HERC2: variants seen among roughly 807,000 people sequenced by gnomAD.
HERC2 encodes the protein E3 ubiquitin-protein ligase HERC2.
A neutral mutation model predicts 537.7 loss-of-function variants in HERC2; 102 were observed. The ratio of observed to expected loss-of-function variants is 0.19; its 90% CI spans 0.16 to 0.22. HERC2 has a LOEUF of 0.22. Among genes scored for constraint, HERC2 ranks in the 10% least tolerant of loss-of-function variants. The probability of loss-of-function intolerance (pLI) is 1.00; values close to 1 mark genes in which losing one functional copy is unlikely to be tolerated. For synonymous variants in HERC2, 2,224 were observed against 2,466.2 expected (o/e 0.90, Z 2.91); for missense variants, 4,236 against 6,198.2 (o/e 0.68, Z 10.63).
chr15:28,115,612 C>T lies in HERC2; in HGVS notation c.13610-71G>A, dbSNP rs887951849. ...ACAAAACTTCCCGCTCACTCACACACGCCACTGACAGCAGCTCCACACTCA... is the reference window on the plus strand; with the variant it reads ...ACAAAACTTCCCGCTCACTCACACATGCCACTGACAGCAGCTCCACACTCA... On this transcript the variant is annotated intron_variant, in intron 88 of 92. Transcript: ENST00000261609. 33 of 1,058,172 alleles carry T rather than the reference C, an allele frequency of 3.1e-5. No individual in the cohort carries two copies. The African/African-American group carries it at 3.3e-4, about 10-fold the overall frequency. 65.5% of individuals were successfully genotyped at this position (1,058,172 alleles called of 1,614,324 possible). A position where few individuals can be genotyped will look rare whatever the true frequency, so the allele number is the denominator to read the frequency against.
intron 37 of HERC2, among the ~76,000 whole-genome samples, chr15:28,220,099 C>T (rs923945051): frequency 6.6e-6 from 1 of 152,208 alleles, no homozygotes; most frequent in Non-Finnish European, 1.5e-5. Flanking sequence ...CAGGGCAATT[C>T]CACCAGGCCT....
Position 28,185,793 on chromosome 15 carries a change from G to A in HERC2, c.8825+784C>T, listed in dbSNP as rs116176048. Among the ~76,000 whole-genome samples, 329 of 152,292 alleles carry A rather than the reference G, an allele frequency of 2.2e-3. 3 individuals carry two copies. Among genetic ancestry groups the A allele is most frequent in the African/African-American group, 7.7e-3 (322 of 41,556 alleles). ...CAATGCTCCAATGCAGACTCTCAAG[G>A]CTGTATGCACTTCTTCCTGCCTCTT... is the stretch of plus-strand genomic sequence containing the variant. On this transcript the variant is annotated intron_variant, in intron 56 of 92. Transcript: ENST00000261609.
intron 35 of HERC2, among the ~76,000 whole-genome samples, chr15:28,226,711 A>G (rs897954510): frequency 6.6e-6 from 1 of 152,240 alleles, no homozygotes; most frequent in East Asian, 1.9e-4. Context: ...TTTGGATACG[A>G]TATCAAAAGC....
intron 3 of HERC2, among the ~76,000 whole-genome samples, chr15:28,295,566 T>C (rs901694797): frequency 1.3e-5 from 2 of 152,036 alleles, no homozygotes; most frequent in Non-Finnish European, 2.9e-5. Flanking sequence ...GCCCAGCTAA[T>C]TTTTTGTTTT....
intron 55 of HERC2, among the ~76,000 whole-genome samples, chr15:28,190,012 T>TC (rs952320678): frequency 1.1e-5 from 1 of 92,674 alleles, no homozygotes; most frequent in African/African-American, 1.1e-4. Flanking sequence ...TCTTTCTTTC[T>TC]TTTTTTTTTT....
chr15:28,188,431 C>A (rs902802468), intron 55 of HERC2, among the ~76,000 whole-genome samples: 4 of 151,924 alleles, frequency 2.6e-5, no homozygotes, highest in East Asian at 1.9e-4. Flanking sequence ...ATAGTCCCAG[C>A]TACTCGGGAG....
chr15:28,161,104 C>T (rs1440976895), intron 69 of HERC2, among the ~76,000 whole-genome samples: 1 of 152,224 alleles, frequency 6.6e-6, no homozygotes, highest in African/African-American at 2.4e-5. Flanking sequence ...CCTAAAATAT[C>T]TACCAAACTC....
At chr15:28,115,582 G>A in intron 88 of HERC2, 41 bp from the exon 89 acceptor site, 1 of 1,500,692 alleles carries the variant, frequency 6.7e-7, no homozygotes, top group South Asian at 1.1e-5. Flanking sequence ...CACTTCAAAA[G>A]GATGACAAAA....
chr15:28,306,840 C>T (rs1202696818), intron 2 of HERC2, among the ~76,000 whole-genome samples: 1 of 151,540 alleles, frequency 6.6e-6, no homozygotes, highest in African/African-American at 2.4e-5. Context: ...ATTTCTTTTT[C>T]CTTCTTTTTT....
At chr15:28,131,964 G>A (rs761699187) in intron 81 of HERC2, 136 bp downstream of exon 81, 66 of 630,354 alleles carry the variant, frequency 1.0e-4, no homozygotes, top group Non-Finnish European at 1.4e-4. Context: ...AGGTAAAGAG[G>A]AGGTTAAAGT....
intron 23 of HERC2, among the ~76,000 whole-genome samples, chr15:28,238,986 G>A (rs929666220): frequency 2.0e-4 from 31 of 152,036 alleles, no homozygotes; most frequent in East Asian, 1.9e-3. Context: ...ATACCAAATT[G>A]GGCCATGCCA....
Position 28,274,319 on chromosome 15 carries a change from T to C in HERC2, c.772A>G (p.Thr258Ala), listed in dbSNP as rs2075815400. 1.2e-6 allele frequency: 2 copies of C among 1,614,168 alleles called. No individual in the cohort carries two copies. The highest frequency in any genetic ancestry group is 1.3e-5 in the African/African-American group (1 of 75,046). ...GTCACGACGGACCTGAGGAACCTGG[T>C]CGCTCTCTCCACCACCTCCAGCCAC... ...SVWLEVVERA[T>A]RFLRSVVTGD... is the part of the protein sequence containing the mutation. The change falls in exon 7 of 93, where the codon ACC becomes GCC. Residue 258 changes from threonine to alanine, a missense_variant. Coordinates refer to ENST00000261609, the MANE Select transcript of HERC2 (RefSeq NM_004667.6).
intron 3 of HERC2, among the ~76,000 whole-genome samples, chr15:28,294,102 C>T (rs374182450): frequency 6.6e-6 from 1 of 152,224 alleles, no homozygotes; most frequent in Admixed American, 6.5e-5. Flanking sequence ...ATTTCTGACA[C>T]CAAATGCATG....
At chr15:28,231,488 ATG>A (rs916536330) in intron 30 of HERC2, among the ~76,000 whole-genome samples, 7 of 152,190 alleles carry the variant, frequency 4.6e-5, no homozygotes, top group African/African-American at 1.7e-4. Flanking sequence ...CTGCCTGCGT[ATG>A]TGACTGGCCC....
At chr15:28,310,614 C>T (rs1366518214) in intron 2 of HERC2, among the ~76,000 whole-genome samples, 1 of 152,140 alleles carries the variant, frequency 6.6e-6, no homozygotes, top group Non-Finnish European at 1.5e-5. Flanking sequence ...GGGTTCAGTC[C>T]AAACCCTACC....
intron 14 of HERC2, among the ~76,000 whole-genome samples, chr15:28,264,038 A>C (rs1460398028): frequency 6.8e-6 from 1 of 147,452 alleles, no homozygotes; most frequent in Non-Finnish European, 1.5e-5. Flanking sequence ...AAAAAAAAAA[A>C]CAAACAAAAA....
intron 35 of HERC2, among the ~76,000 whole-genome samples, chr15:28,224,004 G>C (rs1480692765): frequency 1.3e-5 from 2 of 151,968 alleles, no homozygotes; most frequent in Non-Finnish European, 2.9e-5. Flanking sequence ...ATTTTTAAAT[G>C]CAACTTTTGG....
intron 2 of HERC2, chr15:28,320,516 A>C (rs1447760655): frequency 2.6e-5 from 4 of 152,084 alleles, no homozygotes; most frequent in Non-Finnish European, 5.9e-5. Flanking sequence ...CTTCAGTGTA[A>C]GTATCCATGA....
At chr15:28,320,254 A>G (rs2077195310) in intron 2 of HERC2, 1 of 152,254 alleles carries the variant, frequency 6.6e-6, no homozygotes, top group African/African-American at 2.4e-5. Flanking sequence ...GGCTGGGATT[A>G]CAGGCATACA....
Sources: allele counts gnomAD v4.1 joint callset (sites outside exome capture counted in the v4.1 genomes callset), GRCh38; gene constraint gnomAD v4.1.1; transcripts MANE v1.5; gene names NCBI Gene and HGNC (gene_info 2026-07-23, HGNC 2026-07-21).